Variants in ZNF835 observed in about 807,000 individuals in gnomAD.
ZNF835 encodes zinc finger protein 835.
For synonymous variants in ZNF835, 323 were observed against 324.7 expected, an observed-to-expected ratio of 0.99 and a Z score of 0.06; for missense variants, 783 against 758.4, an observed-to-expected ratio of 1.03 and a Z score of -0.38.
chr19:56,666,126 T>G (rs370576990), intron 1 of ZNF835, among the ~76,000 whole-genome samples: 1 of 152,152 alleles, frequency 6.6e-6, no homozygotes, highest in Non-Finnish European at 1.5e-5. Flanking sequence ...TGTTTTATTT[T>G]TTTTTTGACA....
At chr19:56,668,879 T>A (rs1206828917) in intron 1 of ZNF835, among the ~76,000 whole-genome samples, 1 of 151,192 alleles carries the variant, frequency 6.6e-6, no homozygotes, top group African/African-American at 2.4e-5. Context: ...ATCCCCGGAG[T>A]GTGCAGGGGT....
chr19:56,671,409 C>T (rs986900716), intron 1 of ZNF835, among the ~76,000 whole-genome samples, 167 bp downstream of exon 1: 5 of 151,956 alleles, frequency 3.3e-5, no homozygotes, highest in Admixed American at 3.3e-4. Context: ...CTGCTGGTAC[C>T]GTCGAGTGAC....
Position 56,664,102 on chromosome 19 carries a change from T to C in ZNF835, c.1097A>G (p.Asp366Gly). 1 of 1,599,468 alleles carries C rather than the reference T, an allele frequency of 6.3e-7. No homozygotes were observed. The highest frequency in any genetic ancestry group is 2.2e-5 in the East Asian group (1 of 44,590). The change falls in exon 2 of 2, where the codon GAC becomes GGC. Residue 366 changes from aspartate to glycine, a missense_variant. By Grantham distance (94) the Asp-to-Gly change is moderately conservative (BLOSUM62 -1). Coordinates refer to ENST00000537055, the MANE Select transcript of ZNF835 (RefSeq NM_001005850.3). ...HTGERPYPCH[D>G]CGKRFSNRSH... ...GCGGTTGCTGAAGCGCTTGCCGCAG[T>C]CGTGGCAGGGGTAAGGCCGCTCTCC...
chr19:56,669,371 A>T (rs1190082471), intron 1 of ZNF835, among the ~76,000 whole-genome samples: 1 of 152,116 alleles, frequency 6.6e-6, no homozygotes, highest in Non-Finnish European at 1.5e-5. Flanking sequence ...TGACTGACAT[A>T]GGTGTGATGA....
rs761562990 is a variant in ZNF835, at chr19:56,664,376, C to A, written c.823G>T (p.Glu275Ter). 2 of 1,610,162 alleles carry A rather than the reference C, an allele frequency of 1.2e-6. No homozygotes were observed. Among genetic ancestry groups the A allele is most frequent in the South Asian group, 1.1e-5 (1 of 90,810 alleles). ...LIRHQRIHTE[E>*]KPYRCGQCAK... ...CACTGGCCGCAGCGGTAGGGCTTCTCCTCCGTGTGGATGCGCTGGTGGCGG... is the reference window on the plus strand; with the variant it reads ...CACTGGCCGCAGCGGTAGGGCTTCTACTCCGTGTGGATGCGCTGGTGGCGG... Residue 275 changes from glutamate (E) to a stop codon, truncating the protein, a stop_gained, in exon 2 of 2, where the codon GAG becomes TAG. Transcript: ENST00000537055. LOFTEE classifies it low-confidence loss of function (END_TRUNC).
At chr19:56,667,589 A>G (rs775604847) in intron 1 of ZNF835, among the ~76,000 whole-genome samples, 13 of 152,210 alleles carry the variant, frequency 8.5e-5, no homozygotes, top group African/African-American at 1.4e-4. Flanking sequence ...TGAACCAACT[A>G]GTAGGCTGTG....
At chr19:56,665,979 C>T (rs1249401628) in intron 1 of ZNF835, among the ~76,000 whole-genome samples, 1 of 152,162 alleles carries the variant, frequency 6.6e-6, no homozygotes, top group Non-Finnish European at 1.5e-5. Flanking sequence ...TAATCTGGTG[C>T]TGTGAACTGA....
In ZNF835 at chr19:56,663,205, A is replaced by C. The variant is rs976538444; in HGVS notation, c.*380T>G. On this transcript the variant is annotated 3_prime_UTR_variant, in exon 2 of 2. Transcript: ENST00000537055. Reference sequence around the variant, plus strand: ...AATTAGCCAGACTCCTGTAATTTTAACTACTCGGGAGGTTGAGGCAGGAGA... The same window carrying C: ...AATTAGCCAGACTCCTGTAATTTTACCTACTCGGGAGGTTGAGGCAGGAGA... 1 of 214,306 alleles carries C rather than the reference A, an allele frequency of 4.7e-6. No homozygotes were observed. The highest frequency in any genetic ancestry group is 2.4e-5 in the African/African-American group (1 of 42,060). The allele number at this position is 214,306 out of a possible 1,614,324, so 13.3% of individuals were successfully genotyped here. A position where few individuals can be genotyped will look rare whatever the true frequency, so the allele number is the denominator to read the frequency against.
At chr19:56,667,853 G>C (rs551965400) in intron 1 of ZNF835, among the ~76,000 whole-genome samples, 1 of 152,264 alleles carries the variant, frequency 6.6e-6, no homozygotes, top group East Asian at 1.9e-4. Flanking sequence ...GACACAACAA[G>C]AGGGCCCGGT....
Position 56,664,856 on chromosome 19 carries a change from A to G in ZNF835, c.343T>C (p.Cys115Arg). ...GPKKPWKCGD[C>R]GKAFSYCSAF... ...GAACAGTAGCTGAAGGCCTTCCCGC[A>G]GTCCCCGCATTTCCACGGCTTCTTG... The change falls in exon 2 of 2, where the codon TGC (cysteine) becomes CGC (arginine). Residue 115 changes from cysteine to arginine, a missense_variant. By Grantham distance (180) the Cys-to-Arg change is radical. Transcript: ENST00000537055. 1 of 1,613,930 alleles carries G rather than the reference A, an allele frequency of 6.2e-7. No homozygotes were observed. Among genetic ancestry groups the G allele is most frequent in the Non-Finnish European group, 8.5e-7 (1 of 1,179,908 alleles).
rs746257898 is a variant in ZNF835 at position 56,664,600 on chromosome 19, C to T, written c.599G>A (p.Gly200Asp). Reference protein sequence around the residue: ...GEKPHRCADCGKAFTRVTHLT... With the variant: ...GEKPHRCADCDKAFTRVTHLT... ...GTGCGTGACGCGCGTGAAGGCCTTG[C>T]CGCAGTCGGCGCAGCGGTGCGGCTT... The change falls in exon 2 of 2, where the codon GGC (glycine) becomes GAC (aspartate). Residue 200 changes from glycine (G) to aspartate (D), a missense_variant. Physicochemically the swap from Gly to Asp is moderately conservative, Grantham distance 94. Transcript: ENST00000537055. 14 of 1,604,942 alleles carry T rather than the reference C, an allele frequency of 8.7e-6. No homozygotes were observed. The Admixed American group carries it at 2.2e-4, about 26-fold the overall frequency.
At position 56,663,357 on chromosome 19, in the gene ZNF835, G is replaced by A. The variant is rs2045202486; in HGVS notation, c.*228C>T. The A allele has an allele frequency of 1.7e-6, 1 of 602,258 alleles. No individual in the cohort carries two copies. The highest frequency in any genetic ancestry group is 3.0e-5 in the Admixed American group (1 of 33,358). 37.3% of individuals were successfully genotyped at this position (602,258 alleles called of 1,614,324 possible). A position where few individuals can be genotyped will look rare whatever the true frequency, so the allele number is the denominator to read the frequency against. ...AAGAAATTAAAGGCCAGCCATAGGT[G>A]TTTCTGCAGGTCTACTTGCCCGTGC... On this transcript the variant is annotated 3_prime_UTR_variant, in exon 2 of 2. Coordinates refer to ENST00000537055, the MANE Select transcript of ZNF835 (RefSeq NM_001005850.3).
chr19:56,669,341 G>T (rs1430676299), intron 1 of ZNF835, among the ~76,000 whole-genome samples: 1 of 152,142 alleles, frequency 6.6e-6, no homozygotes, highest in Non-Finnish European at 1.5e-5. Context: ...GGTGGTTATG[G>T]GGGTTCCATG....
At position 56,662,142 on chromosome 19, in the gene ZNF835, C is replaced by T. The variant is rs2045191876; in HGVS notation, c.*1443G>A. On this transcript the variant is annotated 3_prime_UTR_variant, in exon 2 of 2. Coordinates refer to ENST00000537055, the MANE Select transcript of ZNF835 (RefSeq NM_001005850.3). ...TTGCTTTGGCCTGTGGGACTAGATG[C>T]AAATGTGACAATATCAGAGACTTGA... 5 of 152,256 alleles carry T rather than the reference C, an allele frequency of 3.3e-5. No homozygotes were observed. The South Asian group carries it at 1.0e-3, about 32-fold the overall frequency. 9.4% of individuals were successfully genotyped at this position (152,256 alleles called of 1,614,324 possible). A position where few individuals can be genotyped will look rare whatever the true frequency, so the allele number is the denominator to read the frequency against.
At chr19:56,669,386 G>A (rs1301952718) in intron 1 of ZNF835, among the ~76,000 whole-genome samples, 1 of 152,108 alleles carries the variant, frequency 6.6e-6, no homozygotes, top group Non-Finnish European at 1.5e-5. Flanking sequence ...TGATGACACT[G>A]GCCATCGGTG....
chr19:56,665,272 AT>A (rs2045236296), intron 1 of ZNF835, 27 bp from the exon 2 acceptor site: 1 of 1,585,538 alleles, frequency 6.3e-7, no homozygotes, highest in Admixed American at 1.8e-5. Context: ...AGAAAAAAAA[AT>A]TAAATGTTGC....
intron 1 of ZNF835, among the ~76,000 whole-genome samples, chr19:56,666,014 A>G (rs2045242009): frequency 6.8e-6 from 1 of 146,652 alleles, no homozygotes; most frequent in Non-Finnish European, 1.5e-5. Context: ...AAATTTATAC[A>G]TGGAAGCCCT....
Position 56,664,035 on chromosome 19 carries a change from C to G in ZNF835, c.1164G>C (p.Arg388=). The G allele has an allele frequency of 6.2e-7, 1 of 1,611,982 alleles. No homozygotes were observed. The highest frequency in any genetic ancestry group is 8.5e-7 in the Non-Finnish European group (1 of 1,179,368). Residue 388 remains arginine (R), a synonymous_variant, in exon 2 of 2, where the codon CGG becomes CGC. Transcript: ENST00000537055. ...CCCCGCATTGCAGGCACCTGTAGGGCCGCTCACCGGTGTGCACGAGGCGGT... is the reference window on the plus strand; with the variant it reads ...CCCCGCATTGCAGGCACCTGTAGGGGCGCTCACCGGTGTGCACGAGGCGGT... The part of the protein sequence containing the change: ...LQHRLVHTGE[R]PYRCLQCGAA...
In ZNF835 at chr19:56,663,646, C is replaced by G. The variant is rs2045205365; in HGVS notation, c.1553G>C (p.Gly518Ala). The stretch of plus-strand genomic sequence containing the variant: ...GCACCCCTGTTGACAGGTTTCTCCT[C>G]CCTGTGAGAGCCCAGGTGTTGAGTC... ...TPDSTPGLSQ[G>A]GETCQQGCPG... The change falls in exon 2 of 2, where the codon GGA becomes GCA. Residue 518 changes from glycine to alanine, a missense_variant. By Grantham distance (60) the Gly-to-Ala change is moderately conservative (BLOSUM62 0). Transcript: ENST00000537055. 1 of 1,614,078 alleles carries G rather than the reference C, an allele frequency of 6.2e-7. No individual in the cohort carries two copies.
Sources: gnomAD v4.1 joint callset for allele counts (sites outside exome capture counted in the v4.1 genomes callset) on GRCh38, gnomAD v4.1.1 for gene constraint, MANE v1.5 for transcripts, NCBI Gene and HGNC (gene_info 2026-07-23, HGNC 2026-07-21) for gene names.